Variants in SPIN1 observed in about 807,000 individuals in gnomAD.
SPIN1 encodes spindlin 1.
SPIN1 carries 3 observed loss-of-function variants against 26.0 expected under a neutral mutation model. That is an observed-to-expected ratio of 0.12 (90% confidence interval 0.05 to 0.30). The LOEUF is 0.30. SPIN1 is among the 10% of genes least tolerant of loss of function. SPIN1 has a pLI of 1.00. For synonymous variants in SPIN1, 101 were observed against 116.5 expected, an observed-to-expected ratio of 0.87 and a Z score of 0.86; for missense variants, 126 against 333.4, an observed-to-expected ratio of 0.38 and a Z score of 4.84.
chr9:88,447,766 G>A (rs1564036444), intron 2 of SPIN1, among the ~76,000 whole-genome samples: 1 of 152,018 alleles, frequency 6.6e-6, no homozygotes, highest in Non-Finnish European at 1.5e-5. Flanking sequence ...CCTTCCCAAC[G>A]CTACACTGAG....
chr9:88,461,470 T>A (rs1828575670), intron 3 of SPIN1, among the ~76,000 whole-genome samples: 1 of 152,240 alleles, frequency 6.6e-6, no homozygotes, highest in Admixed American at 6.5e-5. Flanking sequence ...AAATATATGT[T>A]ACCAGTCTAG....
intron 1 of SPIN1, among the ~76,000 whole-genome samples, chr9:88,402,472 G>C (rs1827210706): frequency 6.7e-6 from 1 of 150,046 alleles, no homozygotes; most frequent in African/African-American, 2.5e-5. Flanking sequence ...CCCAGCCTCT[G>C]ATACCTGTTA....
At chr9:88,465,542 A>T (rs1200847165) in intron 4 of SPIN1, among the ~76,000 whole-genome samples, 1 of 152,176 alleles carries the variant, frequency 6.6e-6, no homozygotes, top group Non-Finnish European at 1.5e-5. Context: ...TTCTCTGATG[A>T]TTAGTGATAT....
chr9:88,388,927 C>T (rs1826852547), intron 1 of SPIN1, among the ~76,000 whole-genome samples: 1 of 145,654 alleles, frequency 6.9e-6, no homozygotes, highest in African/African-American at 2.5e-5. Flanking sequence ...GCTGCGCAGT[C>T]GGGCGCGGGG....
chr9:88,414,567 A>AGCGCCTGCATGAGAAG (rs1287112660), intron 1 of SPIN1, among the ~76,000 whole-genome samples: 2 of 152,216 alleles, frequency 1.3e-5, no homozygotes, highest in Non-Finnish European at 2.9e-5. Flanking sequence ...GCTGTGCCTG[A>AGCGCCTGCATGAGAAG]GCGCCTGCAT....
chr9:88,432,285 G>A (rs1227335660), intron 2 of SPIN1, among the ~76,000 whole-genome samples: 1 of 146,426 alleles, frequency 6.8e-6, no homozygotes, highest in Non-Finnish European at 1.5e-5. Flanking sequence ...CACCTCCCGG[G>A]CTCAAGCAAT....
chr9:88,468,336 CT>C, intron 4 of SPIN1, 35 bp from the exon 5 acceptor site: 1 of 1,440,070 alleles, frequency 6.9e-7, no homozygotes, highest in East Asian at 2.4e-5. Flanking sequence ...CAGCGAAACA[CT>C]TTGTCAACTT....
chr9:88,407,137 A>T (rs1827328038), intron 1 of SPIN1, among the ~76,000 whole-genome samples: 1 of 72,234 alleles, frequency 1.4e-5, no homozygotes, highest in African/African-American at 5.5e-4. Context: ...TCTTCCTTTA[A>T]AAAAAAAAAA....
intron 1 of SPIN1, among the ~76,000 whole-genome samples, chr9:88,423,358 T>C (rs965631044): frequency 6.6e-6 from 1 of 152,154 alleles, no homozygotes; most frequent in Non-Finnish European, 1.5e-5. Context: ...AGTCATTCTG[T>C]AAATAGCACA....
intron 2 of SPIN1, among the ~76,000 whole-genome samples, chr9:88,438,510 T>A (rs541444142): frequency 6.6e-6 from 1 of 152,278 alleles, no homozygotes; most frequent in South Asian, 2.1e-4. Context: ...TTGAGAAAAG[T>A]TTGTATTCTG....
intron 2 of SPIN1, among the ~76,000 whole-genome samples, chr9:88,444,443 C>T (rs1564034874): frequency 6.6e-6 from 1 of 151,636 alleles, no homozygotes; most frequent in African/African-American, 2.4e-5. Context: ...CGAGGTTTTA[C>T]CTTGTTAGCC....
intron 3 of SPIN1, among the ~76,000 whole-genome samples, chr9:88,458,638 AAATC>A (rs1373694889): frequency 2.0e-5 from 3 of 152,156 alleles, no homozygotes; most frequent in Non-Finnish European, 2.9e-5. Context: ...GTTTTCTTGA[AAATC>A]AAGGGTAGAA....
At chr9:88,457,540 TAAATA>T (rs772825557) in intron 3 of SPIN1, among the ~76,000 whole-genome samples, 46 of 151,564 alleles carry the variant, frequency 3.0e-4, no homozygotes, top group Non-Finnish European at 6.2e-4. Flanking sequence ...AAAATAATAA[TAAATA>T]AAATAAAACA....
At chr9:88,392,595 C>T (rs542929339) in intron 1 of SPIN1, among the ~76,000 whole-genome samples, 5 of 151,958 alleles carry the variant, frequency 3.3e-5, no homozygotes, top group Non-Finnish European at 5.9e-5. Context: ...CCTCTCTTCT[C>T]CTTCCTTCCC....
chr9:88,388,775 A>G (rs1213712078), intron 1 of SPIN1, among the ~76,000 whole-genome samples: 2 of 147,204 alleles, frequency 1.4e-5, no homozygotes, highest in Non-Finnish European at 3.0e-5. Flanking sequence ...GCCGGCCCCT[A>G]CTCCTCCGTG....
intron 1 of SPIN1, chr9:88,410,845 C>G (rs1319932303): frequency 1.1e-6 from 1 of 915,450 alleles, no homozygotes; most frequent in African/African-American, 1.6e-5. Flanking sequence ...ACTGAAACCA[C>G]CTCCACGACC....
At chr9:88,421,091 T>C (rs1021385711) in intron 1 of SPIN1, among the ~76,000 whole-genome samples, 1 of 151,636 alleles carries the variant, frequency 6.6e-6, no homozygotes, top group Non-Finnish European at 1.5e-5. Context: ...CCCTCATGTA[T>C]GTATTGTTTT....
intron 2 of SPIN1, among the ~76,000 whole-genome samples, chr9:88,432,962 C>T (rs1220787340): frequency 2.6e-5 from 4 of 152,198 alleles, no homozygotes; most frequent in African/African-American, 9.7e-5. Flanking sequence ...GAGATCCTCC[C>T]ACCTCAGCCT....
chr9:88,391,012 A>C (rs910370647), intron 1 of SPIN1, among the ~76,000 whole-genome samples: 2 of 152,020 alleles, frequency 1.3e-5, no homozygotes. Flanking sequence ...CAAACTACCC[A>C]CTGTTTTCTT....
Sources: allele counts gnomAD v4.1 joint callset (sites outside exome capture counted in the v4.1 genomes callset), GRCh38; gene constraint gnomAD v4.1.1; transcripts MANE v1.5; gene names NCBI Gene and HGNC (gene_info 2026-07-23, HGNC 2026-07-21).